ASTN2: variants seen among roughly 807,000 people sequenced by gnomAD.
The protein encoded by ASTN2 is astrotactin 2.
Under a neutral mutation model 139.8 loss-of-function variants are expected in ASTN2, and 54 were observed. That is an observed-to-expected ratio of 0.39 (90% confidence interval 0.31 to 0.48). ASTN2 has a LOEUF of 0.48. Among genes scored for constraint, ASTN2 ranks in the 20% least tolerant of loss-of-function variants. The pLI, the probability that ASTN2 is intolerant of heterozygous loss-of-function variation, is 0.95. For missense variants in ASTN2, 1,565 were observed against 1,725.1 expected (o/e 0.91, Z 1.64); for synonymous variants, 756 against 719.5 (o/e 1.05, Z -0.81).
At chr9:117,399,312 G>A (rs1588013604) in intron 1 of ASTN2, among the ~76,000 whole-genome samples, 1 of 152,180 alleles carries the variant, frequency 6.6e-6, no homozygotes, top group African/African-American at 2.4e-5. Context: ...TAGAAGGAGT[G>A]AGGGAATATT....
At position 116,425,779 on chromosome 9, in the gene ASTN2, C is replaced by T. The variant is rs1847287326; in HGVS notation, c.*72G>A. 6.2e-7 allele frequency: 1 copy of T among 1,608,190 alleles called. No individual in the cohort carries two copies. On this transcript the variant is annotated 3_prime_UTR_variant, in exon 23 of 23. Coordinates refer to ENST00000313400, the MANE Select transcript of ASTN2 (RefSeq NM_001365068.1). ...CAGCTGTCCCCCAGCCCACCCAGGC[C>T]CCAGGATCCAGGAGAATACTGCTCC... is the stretch of plus-strand genomic sequence containing the variant.
intron 2 of ASTN2, among the ~76,000 whole-genome samples, chr9:117,257,600 T>C (rs1169947753): frequency 6.6e-6 from 1 of 152,184 alleles, no homozygotes; most frequent in Non-Finnish European, 1.5e-5. Flanking sequence ...TAATGTATTT[T>C]TCTCATTTTC....
intron 16 of ASTN2, among the ~76,000 whole-genome samples, chr9:116,658,061 T>C (rs1858329255): frequency 6.6e-6 from 1 of 152,128 alleles, no homozygotes; most frequent in Admixed American, 6.5e-5. Flanking sequence ...ATTTTTGTAT[T>C]TGCAAGAAGA....
At chr9:116,761,962 G>A (rs569505166) in intron 13 of ASTN2, among the ~76,000 whole-genome samples, 6 of 152,284 alleles carry the variant, frequency 3.9e-5, no homozygotes, top group Admixed American at 6.5e-5. Context: ...GGGTGCTGGC[G>A]AAGATTCTTA....
Position 116,698,456 on chromosome 9 carries a change from C to A in ASTN2, c.2806+27315G>T. The A allele has an allele frequency of 6.2e-7, 1 of 1,614,024 alleles. No individual in the cohort carries two copies. Among genetic ancestry groups the A allele is most frequent in the African/African-American group, 1.3e-5 (1 of 75,026 alleles). On this transcript the variant is annotated intron_variant, in intron 16 of 22. Transcript: ENST00000313400. The surrounding 1 kb of genome is among the most constrained non-coding windows in gnomAD (Gnocchi z 4.4). ...TTGCAGAGGTGCAGGCTGTGTCTCG[C>A]TGTGACTACTTCCTGGCCAAGATCA...
chr9:116,785,826 T>G (rs1455729249), intron 13 of ASTN2, among the ~76,000 whole-genome samples: 1 of 152,198 alleles, frequency 6.6e-6, no homozygotes, highest in Admixed American at 6.5e-5. Flanking sequence ...GCCTGGGAAC[T>G]GCTTTCCCTG....
chr9:116,524,623 C>T (rs1161539718), intron 19 of ASTN2, among the ~76,000 whole-genome samples: 2 of 152,198 alleles, frequency 1.3e-5, no homozygotes, highest in African/African-American at 4.8e-5. Flanking sequence ...AACTCGTACT[C>T]CCTTGGTGTT....
intron 12 of ASTN2, among the ~76,000 whole-genome samples, chr9:116,809,978 C>T (rs1218835192): frequency 6.6e-6 from 1 of 152,136 alleles, no homozygotes; most frequent in African/African-American, 2.4e-5. Flanking sequence ...TTCAAGCTGC[C>T]TCTTCCCTTG....
intron 7 of ASTN2, among the ~76,000 whole-genome samples, chr9:116,981,538 G>A (rs1005290519): frequency 3.3e-5 from 5 of 152,208 alleles, no homozygotes; most frequent in African/African-American, 1.2e-4. Flanking sequence ...GGAAACTCAA[G>A]CTAAGAGAGT....
At chr9:116,620,019 T>G (rs1022383042) in intron 18 of ASTN2, among the ~76,000 whole-genome samples, 1 of 152,004 alleles carries the variant, frequency 6.6e-6, no homozygotes, top group East Asian at 1.9e-4. Flanking sequence ...CCTGACAAAG[T>G]AGTCAGCTGC....
At chr9:116,613,276 C>T (rs1386263520) in intron 19 of ASTN2, 3 of 152,216 alleles carry the variant, frequency 2.0e-5, no homozygotes, top group Admixed American at 1.3e-4. Flanking sequence ...GATGGATTCA[C>T]AGCCGAATTC....
chr9:117,189,427 C>T (rs1019442699), intron 3 of ASTN2, among the ~76,000 whole-genome samples: 27 of 152,248 alleles, frequency 1.8e-4, no homozygotes, highest in African/African-American at 6.5e-4. Context: ...ATCAAAGCCA[C>T]CATTCCCCAC....
At chr9:117,249,684 T>A (rs980837189) in intron 2 of ASTN2, among the ~76,000 whole-genome samples, 3 of 137,506 alleles carry the variant, frequency 2.2e-5, no homozygotes, top group African/African-American at 7.4e-5. Context: ...TGAAAACCAC[T>A]GACATTGTCT....
At chr9:116,632,248 A>G (rs10983282) in intron 17 of ASTN2, among the ~76,000 whole-genome samples, 1,197 of 90,546 alleles carry the variant, frequency 0.013, 18 homozygotes, top group Middle Eastern at 0.023. Context: ...AAAGAAAGAA[A>G]GAAGGAAAGA....
chr9:116,661,699 C>G lies in ASTN2; in HGVS notation c.2807-9906G>C, dbSNP rs1418382405. The stretch of plus-strand genomic sequence containing the variant: ...GATGCGGTCTGAACTTCATATACAT[C>G]TGGATGTGAAATTCAGTTGGTCAAA... On this transcript the variant is annotated intron_variant, in intron 16 of 22. Coordinates refer to ENST00000313400, the MANE Select transcript of ASTN2 (RefSeq NM_001365068.1). 2.6e-5 allele frequency among the ~76,000 whole-genome samples: 4 copies of G among 152,018 alleles called. No homozygotes were observed. In the East Asian group the frequency reaches 7.7e-4, roughly 29 times the overall value.
At chr9:117,288,748 G>A (rs186168812) in intron 2 of ASTN2, among the ~76,000 whole-genome samples, 20 of 152,292 alleles carry the variant, frequency 1.3e-4, no homozygotes, top group Middle Eastern at 3.4e-3. Flanking sequence ...GCCACAGAGA[G>A]GCCTGACCTC....
In ASTN2 at chr9:116,790,528, A is replaced by C. The variant is rs554776288; in HGVS notation, c.2396+15104T>G. Among the ~76,000 whole-genome samples, 3 of 152,102 alleles carry C rather than the reference A, an allele frequency of 2.0e-5. No individual in the cohort carries two copies. In the East Asian group the frequency reaches 5.8e-4, roughly 30 times the overall value. On this transcript the variant is annotated intron_variant, in intron 13 of 22. Coordinates refer to ENST00000313400, the MANE Select transcript of ASTN2 (RefSeq NM_001365068.1). Reference sequence around the variant, plus strand: ...TCATTTGCCTGGAACACTCCCTCACATGCTAACTGTTACTCTAGCCTCCAG... The same window carrying C: ...TCATTTGCCTGGAACACTCCCTCACCTGCTAACTGTTACTCTAGCCTCCAG...
intron 20 of ASTN2, among the ~76,000 whole-genome samples, chr9:116,449,220 AC>A (rs1420889711): frequency 6.6e-6 from 1 of 152,210 alleles, no homozygotes; most frequent in Non-Finnish European, 1.5e-5. Flanking sequence ...AGTCTGGGCA[AC>A]ATGGTGAAAC....
At chr9:116,906,687 G>T (rs202102947) in intron 10 of ASTN2, among the ~76,000 whole-genome samples, 1 of 124,104 alleles carries the variant, frequency 8.1e-6, no homozygotes, top group Admixed American at 8.1e-5. Flanking sequence ...TTTTTGGTTT[G>T]TTTGTTTTTG....
Sources: allele counts gnomAD v4.1 joint callset (sites outside exome capture counted in the v4.1 genomes callset), GRCh38; gene constraint gnomAD v4.1.1; non-coding constraint Gnocchi (gnomAD v3.1); transcripts MANE v1.5; gene names NCBI Gene and HGNC (gene_info 2026-07-23, HGNC 2026-07-21).